OXR1: variants seen among roughly 807,000 people sequenced by gnomAD.
OXR1 encodes oxidation resistance protein 1.
Under a neutral mutation model 104.6 loss-of-function variants are expected in OXR1, and 41 were observed. That is an observed-to-expected ratio of 0.39 (90% CI 0.31 to 0.51). The LOEUF is 0.51. Ranked by LOEUF, OXR1 falls within the 20% of genes least tolerant of loss-of-function variation. OXR1 has a pLI of 0.77. For missense variants in OXR1, 955 were observed against 1,031.9 expected (o/e 0.93, Z 1.02); for synonymous variants, 348 against 348.4 (o/e 1.00, Z 0.01).
At chr8:106,452,891 A>G (rs60263151) in intron 2 of OXR1, among the ~76,000 whole-genome samples, 1 of 151,940 alleles carries the variant, frequency 6.6e-6, no homozygotes, top group African/African-American at 2.4e-5. Flanking sequence ...GACTAAATTG[A>G]TATCTTTTAA....
intron 9 of OXR1, 53 bp downstream of exon 9, chr8:106,707,198 G>A (rs759021943): frequency 6.1e-5 from 94 of 1,545,014 alleles, no homozygotes; most frequent in Non-Finnish European, 7.5e-5. Context: ...TGGTGTCTCC[G>A]TCTTTCCTCA....
At chr8:106,726,477 T>C in intron 11 of OXR1, among the ~76,000 whole-genome samples, 1 of 152,184 alleles carries the variant, frequency 6.6e-6, no homozygotes. Flanking sequence ...ATTCTGAGTA[T>C]CTTCAAAAAG....
intron 2 of OXR1, among the ~76,000 whole-genome samples, chr8:106,478,754 T>C (rs1821940513): frequency 6.6e-6 from 1 of 151,876 alleles, no homozygotes; most frequent in Non-Finnish European, 1.5e-5. Flanking sequence ...ATTTAATTTT[T>C]CCTACTGCTT....
At chr8:106,472,391 C>T (rs1344806286) in intron 2 of OXR1, among the ~76,000 whole-genome samples, 1 of 151,570 alleles carries the variant, frequency 6.6e-6, no homozygotes, top group Non-Finnish European at 1.5e-5. Flanking sequence ...GCAAAAAATG[C>T]TTGAGAGTAT....
intron 2 of OXR1, among the ~76,000 whole-genome samples, chr8:106,473,830 C>G (rs1352413690): frequency 6.7e-6 from 1 of 148,242 alleles, no homozygotes; most frequent in East Asian, 2.0e-4. Flanking sequence ...GCCTCATTTT[C>G]TTTCATATTC....
chr8:106,717,770 C>T (rs73699996), intron 11 of OXR1, among the ~76,000 whole-genome samples: 2,438 of 152,224 alleles, frequency 0.016, 36 homozygotes, highest in Admixed American at 0.047. Context: ...AGCTTCTAAT[C>T]TTTCAAGATT....
intron 3 of OXR1, among the ~76,000 whole-genome samples, chr8:106,593,099 G>A (rs1203018182): frequency 6.6e-6 from 1 of 152,032 alleles, no homozygotes; most frequent in Non-Finnish European, 1.5e-5. Flanking sequence ...TCCATCCTTT[G>A]AACTCTGTAT....
At chr8:106,540,136 G>A (rs565199606) in intron 3 of OXR1, among the ~76,000 whole-genome samples, 55 of 152,148 alleles carry the variant, frequency 3.6e-4, no homozygotes, top group Non-Finnish European at 7.5e-4. Flanking sequence ...TCATTTGGAA[G>A]CTTGTTCTTT....
At chr8:106,679,164 C>A in intron 3 of OXR1, 46 bp from the exon 4 acceptor site, 1 of 1,188,888 alleles carries the variant, frequency 8.4e-7, no homozygotes, top group South Asian at 1.2e-5. Context: ...TGACATTACT[C>A]TGAAAGAAAG....
intron 11 of OXR1, among the ~76,000 whole-genome samples, chr8:106,729,567 C>T (rs912603611): frequency 1.3e-5 from 2 of 151,926 alleles, no homozygotes; most frequent in African/African-American, 2.4e-5. Context: ...AATATTATGC[C>T]GCCTATCTAT....
chr8:106,330,590 G>A (rs1424587699), intron 1 of OXR1, among the ~76,000 whole-genome samples: 1 of 152,192 alleles, frequency 6.6e-6, no homozygotes, highest in Admixed American at 6.5e-5. Flanking sequence ...CTTCTCTGGA[G>A]CTGTTTTGGG....
chr8:106,720,884 T>C (rs1442866307), intron 11 of OXR1: 1 of 154,266 alleles, frequency 6.5e-6, no homozygotes, highest in Non-Finnish European at 1.4e-5. Context: ...CAGATTCATG[T>C]AAAACTTTTC....
intron 2 of OXR1, among the ~76,000 whole-genome samples, chr8:106,375,934 C>T (rs1287535579): frequency 6.6e-5 from 10 of 152,208 alleles, no homozygotes; most frequent in Admixed American, 5.2e-4. Context: ...ACTGCAACCT[C>T]GAACTCCTGG....
At chr8:106,367,144 C>T (rs978953586) in intron 2 of OXR1, among the ~76,000 whole-genome samples, 1 of 151,308 alleles carries the variant, frequency 6.6e-6, no homozygotes, top group Non-Finnish European at 1.5e-5. Context: ...CTCACTGCAT[C>T]CTCGCCTCCC....
chr8:106,374,603 A>C (rs1340287778), intron 2 of OXR1, among the ~76,000 whole-genome samples: 1 of 152,240 alleles, frequency 6.6e-6, no homozygotes, highest in Admixed American at 6.5e-5. Context: ...CAAACTATTA[A>C]TTATAGATAC....
intron 1 of OXR1, among the ~76,000 whole-genome samples, chr8:106,316,767 T>G (rs1813979550): frequency 6.6e-6 from 1 of 151,702 alleles, no homozygotes; most frequent in Non-Finnish European, 1.5e-5. Flanking sequence ...TATCTATCTA[T>G]CTATCTATTG....
intron 11 of OXR1, chr8:106,726,040 C>T (rs1183805254): frequency 1.2e-5 from 8 of 655,168 alleles, no homozygotes; most frequent in Non-Finnish European, 2.3e-6. Context: ...CCCAGCTTTA[C>T]AGCCTCCACT....
rs140500384 is a variant in OXR1, at chr8:106,726,061, A to G, written c.1957-11459A>G. 3.3e-4 allele frequency: 274 copies of G among 839,126 alleles called. 1 individual carries two copies. The African/African-American group carries it at 4.4e-3, about 13-fold the overall frequency. The allele number at this position is 839,126 out of a possible 1,614,324, so 52.0% of individuals were successfully genotyped here. On this transcript the variant is annotated intron_variant, in intron 11 of 16. Transcript: ENST00000517566. ...TTTACAGCCTCCACTCAGGACTATC[A>G]TTGCTATGGATACTACTTAGTGATT...
chr8:106,525,953 A>G (rs1345186746), intron 3 of OXR1, among the ~76,000 whole-genome samples: 1 of 152,232 alleles, frequency 6.6e-6, no homozygotes, highest in African/African-American at 2.4e-5. Context: ...ATAAATATGT[A>G]TTGAATGCCT....
Sources: gnomAD v4.1 joint callset for allele counts (sites outside exome capture counted in the v4.1 genomes callset) on GRCh38, gnomAD v4.1.1 for gene constraint, MANE v1.5 for transcripts, NCBI Gene and HGNC (gene_info 2026-07-23, HGNC 2026-07-21) for gene names.